Variants in XRCC1 observed in about 807,000 individuals in gnomAD.
XRCC1 encodes the protein X-ray repair cross complementing 1.
A neutral mutation model predicts 83.3 loss-of-function variants in XRCC1; 52 were observed. The ratio of observed to expected loss-of-function variants is 0.62; its 90% confidence interval spans 0.50 to 0.79. The LOEUF (loss-of-function observed/expected upper bound fraction) is 0.79, where lower values mean the gene tolerates loss of function less well. XRCC1 is among the 30% of genes least tolerant of loss of function. The probability of loss-of-function intolerance (pLI) is 0.00; values close to 1 mark genes in which losing one functional copy is unlikely to be tolerated. For missense variants in XRCC1, 793 were observed against 823.5 expected, an observed-to-expected ratio of 0.96 and a Z score of 0.45; for synonymous variants, 281 against 312.6, an observed-to-expected ratio of 0.90 and a Z score of 1.07.
rs1327275736 is a variant in XRCC1, at chr19:43,543,512, G to T, written c.1789-7C>A. 8 of 1,613,820 alleles carry T rather than the reference G, an allele frequency of 5.0e-6. No homozygotes were observed. In the Admixed American group the frequency reaches 1.3e-4, roughly 27 times the overall value. ...AGGGGTTGTCCATCAGGGCCTGCAGGGTGGGGTGGAGTCCATACGGGAATG... is the reference window on the plus strand; with the variant it reads ...AGGGGTTGTCCATCAGGGCCTGCAGTGTGGGGTGGAGTCCATACGGGAATG... On this transcript the variant is annotated splice_region_variant and splice_polypyrimidine_tract_variant and intron_variant, in intron 16 of 16. Coordinates refer to ENST00000262887, the MANE Select transcript of XRCC1 (RefSeq NM_006297.3).
chr19:43,570,060 A>T (rs2854510), intron 2 of XRCC1, among the ~76,000 whole-genome samples: 3 of 152,244 alleles, frequency 2.0e-5, no homozygotes, highest in East Asian at 3.9e-4. Context: ...TGCAGTTTGC[A>T]AAGAGTCACT....
chr19:43,564,079 C>T (rs948719762), intron 2 of XRCC1, among the ~76,000 whole-genome samples: 7 of 152,186 alleles, frequency 4.6e-5, no homozygotes, highest in African/African-American at 1.7e-4. Flanking sequence ...ATAACAACGT[C>T]TATCTCATAA....
chr19:43,544,499 CCTCT>C (rs918806636), intron 14 of XRCC1, among the ~76,000 whole-genome samples: 10 of 151,360 alleles, frequency 6.6e-5, no homozygotes, highest in East Asian at 2.0e-4. Context: ...GAGCCACTTA[CCTCT>C]CTCTCTCTCT....
intron 14 of XRCC1, 32 bp downstream of exon 14, chr19:43,545,786 G>T (rs1453809125): frequency 6.2e-7 from 1 of 1,610,170 alleles, no homozygotes; most frequent in South Asian, 1.1e-5. Flanking sequence ...AAGAGAAAAT[G>T]CCACTTCAGG....
chr19:43,546,975 T>C lies in XRCC1; in HGVS notation c.1202A>G (p.Tyr401Cys). Residue 401 changes from tyrosine to cysteine, a missense_variant and splice_region_variant, in exon 11 of 17, where the codon TAC (tyrosine) becomes TGC (cysteine). Transcript: ENST00000262887. ...GCTGGAACCTGGCCCTGCCATGAGG[T>C]ACCTAGGGGACAAATCGGGCCTCAG... ...RMRRRLPSQR[Y>C]LMAGPGSSSE... 6.2e-7 allele frequency: 1 copy of C among 1,613,542 alleles called. No homozygotes were observed. The highest frequency in any genetic ancestry group is 8.5e-7 in the Non-Finnish European group (1 of 1,179,846).
At chr19:43,567,321 G>GT (rs1972763700) in intron 2 of XRCC1, among the ~76,000 whole-genome samples, 2 of 147,782 alleles carry the variant, frequency 1.4e-5, no homozygotes, top group African/African-American at 2.5e-5. Flanking sequence ...ATTTATTTAT[G>GT]TTTTTTGTTG....
chr19:43,571,932 T>C (rs1360507516), intron 2 of XRCC1, among the ~76,000 whole-genome samples: 4 of 152,242 alleles, frequency 2.6e-5, no homozygotes, highest in Admixed American at 2.6e-4. Flanking sequence ...CTATAGGTTC[T>C]TTCTCTGCAC....
At chr19:43,556,718 T>C (rs1972639876) in intron 3 of XRCC1, among the ~76,000 whole-genome samples, 3 of 151,980 alleles carry the variant, frequency 2.0e-5, no homozygotes, top group African/African-American at 2.4e-5. Flanking sequence ...GGCACGAGAA[T>C]TGCTTGAACC....
intron 2 of XRCC1, among the ~76,000 whole-genome samples, chr19:43,565,660 G>A (rs1203658208): frequency 6.6e-6 from 1 of 152,244 alleles, no homozygotes; most frequent in Non-Finnish European, 1.5e-5. Context: ...TCCTGGCTAG[G>A]AGCACTGGCT....
Position 43,557,513 on chromosome 19 carries a change from A to G in XRCC1, c.256-2709T>C, listed in dbSNP as rs535344967. ...AAGGAAACAAGAAAGACAATTATAC[A>G]GAAGGGAAGTTTTCTTCCTGACCTT... On this transcript the variant is annotated intron_variant, in intron 3 of 16. Transcript: ENST00000262887. Among the ~76,000 whole-genome samples the G allele has an allele frequency of 6.6e-5, 10 of 152,240 alleles. No individual in the cohort carries two copies. In the South Asian group the frequency reaches 2.1e-3, roughly 32 times the overall value.
chr19:43,549,509 C>T (rs1481383384), intron 10 of XRCC1, among the ~76,000 whole-genome samples: 1 of 152,182 alleles, frequency 6.6e-6, no homozygotes, highest in African/African-American at 2.4e-5. Flanking sequence ...GATCTGCCCA[C>T]CTTGGCCTCC....
In XRCC1 at chr19:43,545,821, G is replaced by A; in HGVS notation, c.1618C>T (p.Pro540Ser). 6.2e-7 allele frequency: 1 copy of A among 1,613,602 alleles called. No individual in the cohort carries two copies. The highest frequency in any genetic ancestry group is 8.5e-7 in the Non-Finnish European group (1 of 1,179,738). The change falls in exon 14 of 17, where the codon CCA (proline) becomes TCA (serine). Residue 540 changes from proline to serine, a missense_variant. Coordinates refer to ENST00000262887, the MANE Select transcript of XRCC1 (RefSeq NM_006297.3). ...GAGGGATGGGGGGATTTCCCACCTGGGAGCTCAGGGACTGGCAGATCAGGA... is the reference window on the plus strand; with the variant it reads ...GAGGGATGGGGGGATTTCCCACCTGAGAGCTCAGGGACTGGCAGATCAGGA... ...EPPDLPVPEL[P>S]DFFQGKHFFL...
intron 3 of XRCC1, among the ~76,000 whole-genome samples, chr19:43,557,688 G>A (rs1442717251): frequency 6.6e-6 from 1 of 150,834 alleles, no homozygotes; most frequent in Non-Finnish European, 1.5e-5. Context: ...AGCTACTTGG[G>A]AGGCTAAGAT....
At chr19:43,568,523 A>G (rs1453615955) in intron 2 of XRCC1, among the ~76,000 whole-genome samples, 1 of 152,066 alleles carries the variant, frequency 6.6e-6, no homozygotes, top group African/African-American at 2.4e-5. Context: ...TAAGTAAGTA[A>G]ATAAATAAAT....
intron 2 of XRCC1, among the ~76,000 whole-genome samples, chr19:43,572,979 C>G (rs920176688): frequency 7.0e-6 from 1 of 142,118 alleles, no homozygotes; most frequent in African/African-American, 2.7e-5. Context: ...GTCTCACAGG[C>G]CGGAGTGCAG....
Position 43,552,161 on chromosome 19 carries a change from G to T in XRCC1, c.938C>A (p.Pro313Gln). The part of the protein sequence containing the change: ...GTEPRRPRAG[P>Q]EELGKILQGV... ...CTGAAGGATCTTCCCCAGCTCCTCT[G>T]GGCCAGCTCGGGGTCGTCTGGGCTC... The change falls in exon 9 of 17, where the codon CCA becomes CAA. Residue 313 changes from proline (P) to glutamine (Q), a missense_variant. Coordinates refer to ENST00000262887, the MANE Select transcript of XRCC1 (RefSeq NM_006297.3). 6.2e-7 allele frequency: 1 copy of T among 1,614,074 alleles called. No individual in the cohort carries two copies. Among genetic ancestry groups the T allele is most frequent in the South Asian group, 1.1e-5 (1 of 91,084 alleles).
intron 3 of XRCC1, chr19:43,555,142 C>A (rs752532838): frequency 1.6e-5 from 3 of 182,318 alleles, no homozygotes; most frequent in African/African-American, 2.3e-5. Flanking sequence ...ATTCAAACAC[C>A]TTTTGGAAAT....
At chr19:43,544,412 T>A (rs550498175) in intron 14 of XRCC1, among the ~76,000 whole-genome samples, 178 bp from the exon 15 acceptor site, 16 of 152,120 alleles carry the variant, frequency 1.1e-4, no homozygotes, top group Non-Finnish European at 1.6e-4. Flanking sequence ...GGAGGTAGGT[T>A]GGTTGGTTGG....
In XRCC1 at chr19:43,554,662, C is replaced by A. The variant is rs1972616738; in HGVS notation, c.398G>T (p.Ser133Ile). The change falls in exon 4 of 17, where the codon AGC becomes ATC. Residue 133 changes from serine (S) to isoleucine (I), a missense_variant. Ser to Ile is a moderately radical substitution (Grantham distance 142). Transcript: ENST00000262887. ...CCTAGGTACCTTGCTGTAGGGCTGGCTGCAAACAATTTTGACCCGGTCCCA... is the reference window on the plus strand; with the variant it reads ...CCTAGGTACCTTGCTGTAGGGCTGGATGCAAACAATTTTGACCCGGTCCCA... ...KRWDRVKIVC[S>I]QPYSKDSPFG... 6.2e-7 allele frequency: 1 copy of A among 1,612,666 alleles called. No homozygotes were observed. The highest frequency in any genetic ancestry group is 1.1e-5 in the South Asian group (1 of 91,000).
Sources: gnomAD v4.1 joint callset for allele counts (sites outside exome capture counted in the v4.1 genomes callset) on GRCh38, gnomAD v4.1.1 for gene constraint, MANE v1.5 for transcripts, NCBI Gene and HGNC (gene_info 2026-07-23, HGNC 2026-07-21) for gene names.